Variants in CREM observed in about 807,000 individuals in gnomAD.
CREM encodes cAMP-responsive element modulator.
In CREM, 13 loss-of-function variants were observed where a neutral mutation model predicts 37.3. The observed-to-expected ratio is 0.35, with a 90% CI of 0.23 to 0.55. The LOEUF is 0.55. Ranked by LOEUF, CREM falls within the 20% of genes least tolerant of loss-of-function variation. The probability of loss-of-function intolerance (pLI) is 0.88; values close to 1 mark genes in which losing one functional copy is unlikely to be tolerated. For missense variants in CREM, 296 were observed against 362.3 expected (o/e 0.82, Z 1.49); for synonymous variants, 124 against 120.2 (o/e 1.03, Z -0.21).
chr10:35,161,290 A>G (rs914265301), intron 3 of CREM, among the ~76,000 whole-genome samples: 2 of 151,846 alleles, frequency 1.3e-5, no homozygotes, highest in Admixed American at 6.6e-5. Flanking sequence ...GTGCATCACC[A>G]TGCCTGGCTA....
chr10:35,207,247 C>T (rs538664085), intron 7 of CREM, among the ~76,000 whole-genome samples, 196 bp downstream of exon 7: 9 of 151,298 alleles, frequency 5.9e-5, no homozygotes, highest in East Asian at 2.0e-4. Context: ...CAAAAAAATT[C>T]GCCGGGCGTG....
chr10:35,205,355 C>T (rs953401144), intron 6 of CREM, among the ~76,000 whole-genome samples: 4 of 152,070 alleles, frequency 2.6e-5, no homozygotes, highest in Non-Finnish European at 4.4e-5. Context: ...TATTATTTTC[C>T]TAGAAACCTA....
rs775819782 is a variant in CREM at position 35,188,299 on chromosome 10, C to A, written c.509C>A (p.Pro170Gln). 6 of 1,614,158 alleles carry A rather than the reference C, an allele frequency of 3.7e-6. No homozygotes were observed. Among genetic ancestry groups the A allele is most frequent in the Non-Finnish European group, 5.1e-6 (6 of 1,180,016 alleles). Residue 170 changes from proline to glutamine, a missense_variant, in exon 6 of 8, where the codon CCA (proline) becomes CAA (glutamine). Transcript: ENST00000685392. The stretch of plus-strand genomic sequence containing the variant: ...ACAATGACAAATTCAGGAGCTCCTC[C>A]ACCAGGTGCTACAATTGTACAGTAC... The part of the protein sequence containing the change: ...ALTMTNSGAP[P>Q]PGATIVQYAA...
At chr10:35,135,438 T>C (rs1168756850) in intron 1 of CREM, 3 of 152,098 alleles carry the variant, frequency 2.0e-5, no homozygotes, top group African/African-American at 4.8e-5. Flanking sequence ...AAATCGGTAG[T>C]ATATAAGTGT....
intron 7 of CREM, among the ~76,000 whole-genome samples, chr10:35,207,602 T>C (rs962545175): frequency 1.6e-4 from 24 of 151,980 alleles, no homozygotes; most frequent in Admixed American, 1.2e-3. Flanking sequence ...GACGAAACCC[T>C]GTCTCTACTA....
intron 2 of CREM, among the ~76,000 whole-genome samples, chr10:35,146,683 G>A (rs1195348034): frequency 6.6e-6 from 1 of 152,160 alleles, no homozygotes; most frequent in East Asian, 1.9e-4. Context: ...TTTTTCTATG[G>A]TAGGCTCGAC....
chr10:35,137,560 A>G (rs1376139675), intron 1 of CREM, among the ~76,000 whole-genome samples: 1 of 152,198 alleles, frequency 6.6e-6, no homozygotes, highest in Non-Finnish European at 1.5e-5. Context: ...AAAATACAGT[A>G]GAAGTAAGAT....
chr10:35,176,237 G>C (rs2094067457), intron 3 of CREM, among the ~76,000 whole-genome samples: 1 of 152,164 alleles, frequency 6.6e-6, no homozygotes, highest in African/African-American at 2.4e-5. Flanking sequence ...AGTAATTGCA[G>C]ATGAGCAGTT....
At chr10:35,155,631 C>CTTTT (rs35872146) in intron 3 of CREM, among the ~76,000 whole-genome samples, 9 of 145,862 alleles carry the variant, frequency 6.2e-5, no homozygotes, top group African/African-American at 2.1e-4. Context: ...CTTTTCTTTT[C>CTTTT]TTTTTTTTTT....
chr10:35,184,707 G>T (rs75499444), intron 5 of CREM, among the ~76,000 whole-genome samples: 22,942 of 152,126 alleles, frequency 0.15, 1,952 homozygotes, highest in East Asian at 0.24. Context: ...GATTCTTGAT[G>T]TGTCAGCTGT....
At chr10:35,176,936 A>T (rs1312739515) in intron 3 of CREM, among the ~76,000 whole-genome samples, 2 of 152,188 alleles carry the variant, frequency 1.3e-5, no homozygotes, top group Non-Finnish European at 2.9e-5. Context: ...TGAAGTTAAA[A>T]CATTTTTTCC....
At chr10:35,147,043 T>TA (rs2092197033) in intron 2 of CREM, among the ~76,000 whole-genome samples, 2 of 66,416 alleles carry the variant, frequency 3.0e-5, no homozygotes, top group African/African-American at 8.3e-5. Flanking sequence ...TTTTTTGGGT[T>TA]TTTTTTTTTT....
chr10:35,130,948 A>G (rs1264007179), intron 1 of CREM, among the ~76,000 whole-genome samples: 1 of 152,158 alleles, frequency 6.6e-6, no homozygotes. Flanking sequence ...AGGCCTTCCT[A>G]GGAGTGATAG....
At chr10:35,177,368 C>A (rs61843263) in intron 3 of CREM, among the ~76,000 whole-genome samples, 60 of 152,266 alleles carry the variant, frequency 3.9e-4, no homozygotes, top group Non-Finnish European at 7.9e-4. Context: ...GAAAGTCTTT[C>A]CAACCTCTTC....
intron 6 of CREM, chr10:35,196,208 C>A (rs1454194986): frequency 9.1e-7 from 1 of 1,099,522 alleles, no homozygotes; most frequent in East Asian, 2.6e-5. Context: ...CCTCTTACTC[C>A]ATCTATAGGA....
rs199822354 is a variant in CREM, at chr10:35,127,857, T to TG, written c.-55+664_-55+665insG. On this transcript the variant is annotated intron_variant, in intron 1 of 7. Transcript: ENST00000685392. ...AATAAACACATTATTAAACATACTT[T>TG]TTTTTTTTGAGACGGAGTCTTGCTG... is the stretch of plus-strand genomic sequence containing the variant. 3.8e-3 allele frequency among the ~76,000 whole-genome samples: 577 copies of TG among 152,042 alleles called. 6 individuals carry two copies. The highest frequency in any genetic ancestry group is 0.013 in the African/African-American group (536 of 41,466).
intron 3 of CREM, chr10:35,167,625 T>G (rs2093616296): frequency 9.0e-7 from 1 of 1,116,778 alleles, no homozygotes; most frequent in Non-Finnish European, 1.3e-6. Context: ...AGTGTCACTA[T>G]TAGGGTTTTT....
chr10:35,149,889 A>AAAACAC (rs2092449502), intron 3 of CREM, among the ~76,000 whole-genome samples: 2 of 111,830 alleles, frequency 1.8e-5, no homozygotes, highest in Non-Finnish European at 3.6e-5. Flanking sequence ...CTTTTGCTTA[A>AAAACAC]ACACACACAC....
chr10:35,128,380 G>A (rs2088454209), intron 1 of CREM, among the ~76,000 whole-genome samples: 1 of 152,158 alleles, frequency 6.6e-6, no homozygotes, highest in African/African-American at 2.4e-5. Flanking sequence ...GCAGATGAGG[G>A]TGTACCTTTC....
Sources: gnomAD v4.1 joint callset for allele counts (sites outside exome capture counted in the v4.1 genomes callset) on GRCh38, gnomAD v4.1.1 for gene constraint, MANE v1.5 for transcripts, NCBI Gene and HGNC (gene_info 2026-07-23, HGNC 2026-07-21) for gene names.